Variants in GABRG3 observed in about 807,000 individuals in gnomAD.
GABRG3 encodes the protein gamma-aminobutyric acid type A receptor subunit gamma3.
Under a neutral mutation model 48.8 loss-of-function variants are expected in GABRG3, and 25 were observed. The observed-to-expected ratio is 0.51, with a 90% confidence interval of 0.37 to 0.72. The LOEUF (loss-of-function observed/expected upper bound fraction) is 0.72, where lower values mean the gene tolerates loss of function less well. Among genes scored for constraint, GABRG3 ranks in the 30% least tolerant of loss-of-function variants. GABRG3 has a pLI of 0.00. For missense variants in GABRG3, 394 were observed against 577.9 expected (o/e 0.68, Z 3.26); for synonymous variants, 227 against 217.6 (o/e 1.04, Z -0.38).
Position 27,199,412 on chromosome 15 carries a change from G to C in GABRG3, c.271-127397G>C, listed in dbSNP as rs557136980. On this transcript the variant is annotated intron_variant, in intron 3 of 9. Coordinates refer to ENST00000615808, the MANE Select transcript of GABRG3 (RefSeq NM_033223.5). ...AATGTGTTCCCCACTGGGAGGGTGAGGACTCTAGCCCAAACTACATCCACT... is the reference window on the plus strand; with the variant it reads ...AATGTGTTCCCCACTGGGAGGGTGACGACTCTAGCCCAAACTACATCCACT... Among the ~76,000 whole-genome samples, 291 of 152,232 alleles carry C rather than the reference G, an allele frequency of 1.9e-3. 1 individual carries two copies. Among genetic ancestry groups the C allele is most frequent in the Non-Finnish European group, 3.4e-3 (232 of 68,004 alleles).
At chr15:27,472,809 T>G (rs769533327) in intron 5 of GABRG3, among the ~76,000 whole-genome samples, 1 of 152,164 alleles carries the variant, frequency 6.6e-6, no homozygotes, top group Non-Finnish European at 1.5e-5. Flanking sequence ...TATATACATA[T>G]GTATGTATGT....
intron 6 of GABRG3, among the ~76,000 whole-genome samples, chr15:27,488,369 G>A (rs1338092629): frequency 6.6e-6 from 1 of 152,136 alleles, no homozygotes; most frequent in African/African-American, 2.4e-5. Flanking sequence ...GGAAAACGGA[G>A]GTTGAGAATG....
At chr15:27,023,679 T>G (rs554842534) in intron 2 of GABRG3, among the ~76,000 whole-genome samples, 34 of 152,370 alleles carry the variant, frequency 2.2e-4, no homozygotes, top group Middle Eastern at 3.4e-3. Flanking sequence ...CCATTGTCTA[T>G]GTATACTACA....
At chr15:27,351,473 T>A (rs1232519516) in intron 5 of GABRG3, among the ~76,000 whole-genome samples, 1 of 141,786 alleles carries the variant, frequency 7.1e-6, no homozygotes, top group Non-Finnish European at 1.5e-5. Flanking sequence ...GTGTGTATGT[T>A]TGTATGGTGT....
chr15:27,347,389 G>A (rs1894410583), intron 5 of GABRG3, among the ~76,000 whole-genome samples: 1 of 152,166 alleles, frequency 6.6e-6, no homozygotes, highest in South Asian at 2.1e-4. Flanking sequence ...CAGTGGCATA[G>A]GTTTTCCTCC....
At chr15:27,194,297 A>T (rs1277828755) in intron 3 of GABRG3, among the ~76,000 whole-genome samples, 1 of 152,332 alleles carries the variant, frequency 6.6e-6, no homozygotes, top group Admixed American at 6.5e-5. Context: ...CTGTTTTAGA[A>T]ACTCATGTAA....
chr15:27,410,270 G>C (rs1424655752), intron 5 of GABRG3, among the ~76,000 whole-genome samples: 1 of 152,100 alleles, frequency 6.6e-6, no homozygotes, highest in Non-Finnish European at 1.5e-5. Flanking sequence ...GGGTTGTATA[G>C]TCCTTTTAAC....
intron 3 of GABRG3, among the ~76,000 whole-genome samples, chr15:27,072,649 C>A (rs1160244840): frequency 6.6e-6 from 1 of 152,192 alleles, no homozygotes; most frequent in Non-Finnish European, 1.5e-5. Flanking sequence ...TCCAAGCTGG[C>A]CTGAGGGAGA....
intron 3 of GABRG3, among the ~76,000 whole-genome samples, chr15:27,258,919 C>T (rs1890696564): frequency 6.6e-6 from 1 of 151,934 alleles, no homozygotes; most frequent in Non-Finnish European, 1.5e-5. Context: ...CACGCCTTCC[C>T]AGCCTCTAAT....
chr15:27,388,533 T>C (rs150383405), intron 5 of GABRG3, among the ~76,000 whole-genome samples: 1 of 152,240 alleles, frequency 6.6e-6, no homozygotes, highest in Non-Finnish European at 1.5e-5. Context: ...AGCCATTCAG[T>C]ACCATTGATA....
At chr15:27,531,764 C>T (rs971183004) in intron 9 of GABRG3, among the ~76,000 whole-genome samples, 2 of 152,232 alleles carry the variant, frequency 1.3e-5, no homozygotes, top group Non-Finnish European at 2.9e-5. Context: ...GAAGAATTGA[C>T]AAGTCTATTT....
At chr15:27,147,708 T>C (rs1376058596) in intron 3 of GABRG3, among the ~76,000 whole-genome samples, 1 of 151,754 alleles carries the variant, frequency 6.6e-6, no homozygotes, top group African/African-American at 2.4e-5. Flanking sequence ...AATTAACCAA[T>C]ATACACCAAA....
chr15:27,215,775 C>G (rs1334585181), intron 3 of GABRG3, among the ~76,000 whole-genome samples: 1 of 152,128 alleles, frequency 6.6e-6, no homozygotes, highest in Admixed American at 6.5e-5. Flanking sequence ...GGGCAGTGAC[C>G]CTGTGTGATG....
At chr15:27,350,280 C>T in intron 5 of GABRG3, 2 of 431,490 alleles carry the variant, frequency 4.6e-6, no homozygotes, top group South Asian at 3.2e-5. Flanking sequence ...CTCCATGGGG[C>T]CCACAGAGCT....
intron 5 of GABRG3, among the ~76,000 whole-genome samples, chr15:27,464,597 G>A (rs1213421378): frequency 1.3e-5 from 2 of 152,136 alleles, no homozygotes; most frequent in African/African-American, 4.8e-5. Flanking sequence ...CGGTATGAGG[G>A]TTCTAATTTT....
At chr15:27,426,903 A>C (rs1251436559) in intron 5 of GABRG3, among the ~76,000 whole-genome samples, 1 of 152,176 alleles carries the variant, frequency 6.6e-6, no homozygotes, top group Non-Finnish European at 1.5e-5. Flanking sequence ...CTTGCACTGC[A>C]TGATGCTTTC....
intron 2 of GABRG3, among the ~76,000 whole-genome samples, chr15:26,980,203 C>T (rs569076349): frequency 1.3e-5 from 2 of 152,038 alleles, no homozygotes; most frequent in Non-Finnish European, 2.9e-5. Context: ...TGTCATCTTC[C>T]TTTTTTTGTC....
chr15:27,102,973 C>T (rs1366512604), intron 3 of GABRG3, among the ~76,000 whole-genome samples: 1 of 152,160 alleles, frequency 6.6e-6, no homozygotes, highest in Non-Finnish European at 1.5e-5. Flanking sequence ...CTAATGAATA[C>T]TTTCTTTAAT....
At chr15:27,194,223 T>C (rs1888424417) in intron 3 of GABRG3, among the ~76,000 whole-genome samples, 1 of 152,238 alleles carries the variant, frequency 6.6e-6, no homozygotes, top group Non-Finnish European at 1.5e-5. Flanking sequence ...ATAATTATCT[T>C]AGGTATTTCC....
Sources: allele counts gnomAD v4.1 joint callset (sites outside exome capture counted in the v4.1 genomes callset), GRCh38; gene constraint gnomAD v4.1.1; transcripts MANE v1.5; gene names NCBI Gene and HGNC (gene_info 2026-07-23, HGNC 2026-07-21).